Variants in RNF121 observed in about 807,000 individuals in gnomAD.
The protein encoded by RNF121 is E3 ubiquitin ligase RNF121.
RNF121 carries 21 observed loss-of-function variants against 46.5 expected under a neutral mutation model. That is an observed-to-expected ratio of 0.45 (90% CI 0.32 to 0.65). The LOEUF (loss-of-function observed/expected upper bound fraction) is 0.65. RNF121 is among the 30% of genes least tolerant of loss of function. The pLI is 0.04. For synonymous variants in RNF121, 139 were observed against 144.7 expected, an observed-to-expected ratio of 0.96 and a Z score of 0.28; for missense variants, 346 against 416.0, an observed-to-expected ratio of 0.83 and a Z score of 1.46.
rs751072364 is a variant in RNF121 at position 71,995,524 on chromosome 11, T to A, written c.836T>A (p.Val279Glu). The A allele has an allele frequency of 6.3e-7, 1 of 1,593,412 alleles. No homozygotes were observed. Among genetic ancestry groups the A allele is most frequent in the South Asian group, 1.1e-5 (1 of 88,194 alleles). ...KQTCPYCKEKVDLKRMFSNPW... is the reference protein window; with the variant it reads ...KQTCPYCKEKEDLKRMFSNPW... ...ACGTGTCCCTACTGCAAAGAGAAGG[T>A]AGACCTCAAGAGGATGTTCAGCAAT... Residue 279 changes from valine to glutamate, a missense_variant, in exon 8 of 9, where the codon GTA (valine) becomes GAA (glutamate). This residue lies in a region of RNF121 where 286 missense variants were observed against 383.8 expected (regional missense o/e 0.75). Transcript: ENST00000361756.
Position 71,994,678 on chromosome 11 carries a change from C to T in RNF121, c.628-41C>T. The T allele has an allele frequency of 1.9e-6, 3 of 1,611,942 alleles. No individual in the cohort carries two copies. In the East Asian group the frequency reaches 6.7e-5, roughly 36 times the overall value. On this transcript the variant is annotated intron_variant, in intron 6 of 8. Coordinates refer to ENST00000361756, the MANE Select transcript of RNF121 (RefSeq NM_018320.5). ...GGAGCTTCCTACTTTGGCTGCTTCT[C>T]ACATCTTTTCCTATCTTTCCTTCCT... is the stretch of plus-strand genomic sequence containing the variant.
chr11:71,963,555 G>A (rs1306147054), intron 3 of RNF121, among the ~76,000 whole-genome samples: 1 of 152,116 alleles, frequency 6.6e-6, no homozygotes, highest in Non-Finnish European at 1.5e-5. Flanking sequence ...GGGAGTTGGA[G>A]GTTGCAATGA....
chr11:71,976,735 C>T (rs776080401), intron 3 of RNF121, among the ~76,000 whole-genome samples: 2 of 152,072 alleles, frequency 1.3e-5, no homozygotes, highest in Non-Finnish European at 2.9e-5. Context: ...TATTCCCTGG[C>T]AATTTGTGGT....
intron 6 of RNF121, among the ~76,000 whole-genome samples, chr11:71,992,303 T>A (rs577379065): frequency 2.6e-5 from 4 of 152,354 alleles, no homozygotes; most frequent in Admixed American, 1.3e-4. Flanking sequence ...CCACTGTCAC[T>A]TACTGCTTTA....
At chr11:71,957,115 G>C in intron 1 of RNF121, 112 bp from the exon 2 acceptor site, 1 of 798,462 alleles carries the variant, frequency 1.3e-6, no homozygotes. Flanking sequence ...GAGATACTAA[G>C]ACTTGAAGCT....
chr11:71,954,878 G>A lies in RNF121; in HGVS notation c.64-2349G>A, dbSNP rs536423133. 6.6e-4 allele frequency among the ~76,000 whole-genome samples: 100 copies of A among 152,268 alleles called. 1 individual carries two copies. Among genetic ancestry groups the A allele is most frequent in the Non-Finnish European group, 5.9e-4 (40 of 68,024 alleles). On this transcript the variant is annotated intron_variant, in intron 1 of 8. Transcript: ENST00000361756. ...CTCTGTACAATTTAAGCATCTCCAG[G>A]TGAGGTGCTGGTTTGTCAGCATACT...
intron 3 of RNF121, among the ~76,000 whole-genome samples, chr11:71,964,117 A>T (rs1954211325): frequency 6.6e-6 from 1 of 152,192 alleles, no homozygotes; most frequent in Admixed American, 6.5e-5. Flanking sequence ...TTTCCATCTT[A>T]ACAATATTAA....
At chr11:71,933,935 C>T (rs1052127364) in intron 1 of RNF121, among the ~76,000 whole-genome samples, 1 of 152,196 alleles carries the variant, frequency 6.6e-6, no homozygotes, top group African/African-American at 2.4e-5. Flanking sequence ...ACGACATCCC[C>T]GTGAGAATTG....
chr11:71,961,338 A>C lies in RNF121; in HGVS notation c.243+447A>C, dbSNP rs1185160910. 2.6e-5 allele frequency among the ~76,000 whole-genome samples: 4 copies of C among 152,148 alleles called. No individual in the cohort carries two copies. The East Asian group carries it at 7.7e-4, about 29-fold the overall frequency. ...TACTTTGGGAGATTGAGGTGGGCAG[A>C]TGGCTTCAGCTCAGGAGTTCAAGAC... On this transcript the variant is annotated intron_variant, in intron 3 of 8. Coordinates refer to ENST00000361756, the MANE Select transcript of RNF121 (RefSeq NM_018320.5).
intron 1 of RNF121, among the ~76,000 whole-genome samples, chr11:71,955,520 G>C (rs888583117): frequency 1.3e-5 from 2 of 152,142 alleles, no homozygotes; most frequent in African/African-American, 4.8e-5. Flanking sequence ...AGGGAATCAG[G>C]AAAGTTGCAG....
At chr11:71,959,676 C>CT (rs1388793680) in intron 2 of RNF121, among the ~76,000 whole-genome samples, 25 of 148,954 alleles carry the variant, frequency 1.7e-4, no homozygotes, top group Admixed American at 3.4e-4. Context: ...CATTCTGTCG[C>CT]CCAGGACGGA....
chr11:71,994,229 G>A (rs561987494), intron 6 of RNF121, among the ~76,000 whole-genome samples: 4 of 152,286 alleles, frequency 2.6e-5, no homozygotes, highest in African/African-American at 9.6e-5. Flanking sequence ...TATCTGAAAG[G>A]CTTGAACCCC....
intron 3 of RNF121, among the ~76,000 whole-genome samples, chr11:71,973,327 T>G (rs1468838028): frequency 2.0e-5 from 3 of 151,870 alleles, no homozygotes; most frequent in African/African-American, 7.3e-5. Context: ...ACCCAATCTC[T>G]TAAAAAAGAA....
chr11:71,995,656 C>A (rs766672930), intron 8 of RNF121, 105 bp downstream of exon 8: 2 of 825,646 alleles, frequency 2.4e-6, no homozygotes, highest in Non-Finnish European at 4.0e-6. Context: ...CTGCCCCCAA[C>A]CAGAACATGT....
chr11:71,988,678 T>G (rs1590814037), intron 5 of RNF121, among the ~76,000 whole-genome samples: 1 of 150,270 alleles, frequency 6.7e-6, no homozygotes. Context: ...GAAAATTAGC[T>G]GGGTGTAGCA....
intron 1 of RNF121, among the ~76,000 whole-genome samples, chr11:71,929,641 C>T (rs1015585768): frequency 1.2e-4 from 19 of 152,164 alleles, no homozygotes; most frequent in African/African-American, 4.3e-4. Flanking sequence ...GTATCTAATG[C>T]ATGCTCAGTA....
At chr11:71,961,878 A>G (rs1410525842) in intron 3 of RNF121, among the ~76,000 whole-genome samples, 2 of 152,008 alleles carry the variant, frequency 1.3e-5, no homozygotes, top group Non-Finnish European at 2.9e-5. Context: ...GATTCAGTAA[A>G]CTCATAAATG....
intron 3 of RNF121, among the ~76,000 whole-genome samples, chr11:71,979,075 A>G (rs1167847697): frequency 6.6e-6 from 1 of 152,204 alleles, no homozygotes; most frequent in South Asian, 2.1e-4. Context: ...ACTAGAGGTC[A>G]TGTTTATTTC....
chr11:71,986,203 A>G (rs17161758), intron 4 of RNF121, among the ~76,000 whole-genome samples: 2,455 of 152,230 alleles, frequency 0.016, 70 homozygotes, highest in African/African-American at 0.056. Context: ...CATTTCTTTC[A>G]TTTTTGGCCT....
Sources: gnomAD v4.1 joint callset for allele counts (sites outside exome capture counted in the v4.1 genomes callset) on GRCh38, gnomAD v4.1.1 for gene constraint, gnomAD v4.1.1 regional missense constraint, MANE v1.5 for transcripts, NCBI Gene and HGNC (gene_info 2026-07-23, HGNC 2026-07-21) for gene names.